CPE: variants seen among roughly 807,000 people sequenced by gnomAD.
CPE encodes the protein carboxypeptidase E.
A neutral mutation model predicts 53.5 loss-of-function variants in CPE; 17 were observed. The observed-to-expected ratio is 0.32, with a 90% confidence interval of 0.22 to 0.48. CPE has a LOEUF of 0.48. Among genes scored for constraint, CPE ranks in the 20% least tolerant of loss-of-function variants. The probability of loss-of-function intolerance (pLI) is 0.99; values close to 1 mark genes in which losing one functional copy is unlikely to be tolerated. For missense variants in CPE, 524 were observed against 614.7 expected (o/e 0.85, Z 1.56); for synonymous variants, 226 against 228.8 (o/e 0.99, Z 0.11).
intron 6 of CPE, among the ~76,000 whole-genome samples, chr4:165,490,371 C>A (rs1434223326): frequency 1.3e-5 from 2 of 152,140 alleles, no homozygotes; most frequent in East Asian, 3.9e-4. Flanking sequence ...TGGTGGCTCA[C>A]GCCTGTAATC....
intron 1 of CPE, among the ~76,000 whole-genome samples, chr4:165,452,683 C>G (rs573843943): frequency 4.6e-4 from 70 of 152,298 alleles, no homozygotes; most frequent in African/African-American, 1.7e-3. Flanking sequence ...GAGCCATCCC[C>G]TAACTCAGCC....
rs538636670 is a variant in CPE, at chr4:165,406,645, A to G, written c.307+27117A>G. ...TTCACACAATTAAAAGTAAAATTCAATGGTTTATAGTAGATCCACAGTGTT... is the reference window on the plus strand; with the variant it reads ...TTCACACAATTAAAAGTAAAATTCAGTGGTTTATAGTAGATCCACAGTGTT... On this transcript the variant is annotated intron_variant, in intron 1 of 8. Coordinates refer to ENST00000402744, the MANE Select transcript of CPE (RefSeq NM_001873.4). Among the ~76,000 whole-genome samples the G allele has an allele frequency of 3.5e-4, 54 of 152,348 alleles. No homozygotes were observed. In the South Asian group the frequency reaches 7.0e-3, roughly 20 times the overall value.
intron 1 of CPE, among the ~76,000 whole-genome samples, chr4:165,383,127 CA>C (rs1297814068): frequency 6.6e-6 from 1 of 152,198 alleles, no homozygotes; most frequent in Non-Finnish European, 1.5e-5. Context: ...GTTTCCTCTA[CA>C]CTGGGAGTTA....
At position 165,409,579 on chromosome 4, in the gene CPE, AT is replaced by A. The variant is rs112860502; in HGVS notation, c.307+30054del. Among the ~76,000 whole-genome samples, 1,012 of 152,276 alleles carry A rather than the reference AT, an allele frequency of 6.6e-3. 12 individuals are homozygous for A. The highest frequency in any genetic ancestry group is 0.023 in the African/African-American group (941 of 41,542). On this transcript the variant is annotated intron_variant, in intron 1 of 8. Coordinates refer to ENST00000402744, the MANE Select transcript of CPE (RefSeq NM_001873.4). ...TGTGAGAGACTAAAATAAATAATGG[AT>A]TTAATTTGATGACTTTTTTTTTGAC...
At chr4:165,392,266 T>C (rs1730693634) in intron 1 of CPE, among the ~76,000 whole-genome samples, 1 of 146,930 alleles carries the variant, frequency 6.8e-6, no homozygotes. Flanking sequence ...TATATATTTA[T>C]ATATTTACAT....
chr4:165,476,215 G>A (rs1030413188), intron 3 of CPE, among the ~76,000 whole-genome samples: 2 of 152,172 alleles, frequency 1.3e-5, no homozygotes, highest in African/African-American at 4.8e-5. Flanking sequence ...TTGGAAGTAG[G>A]CCAAGCGGGC....
At chr4:165,477,604 G>A (rs1409970208) in intron 3 of CPE, among the ~76,000 whole-genome samples, 2 of 151,766 alleles carry the variant, frequency 1.3e-5, no homozygotes, top group Non-Finnish European at 2.9e-5. Context: ...CCTAATATCT[G>A]TATTTGTATC....
At chr4:165,389,855 G>A (rs930341517) in intron 1 of CPE, among the ~76,000 whole-genome samples, 2 of 152,150 alleles carry the variant, frequency 1.3e-5, no homozygotes, top group Non-Finnish European at 2.9e-5. Flanking sequence ...AAAGTGAAAT[G>A]TCTTCTCATT....
Position 165,379,451 on chromosome 4 carries a change from A to G in CPE, c.230A>G (p.Tyr77Cys), listed in dbSNP as rs752840563. 14 of 1,608,966 alleles carry G rather than the reference A, an allele frequency of 8.7e-6. No homozygotes were observed. Among genetic ancestry groups the G allele is most frequent in the Non-Finnish European group, 1.2e-5 (14 of 1,177,684 alleles). Residue 77 changes from tyrosine (Y) to cysteine (C), a missense_variant, in exon 1 of 9, where the codon TAC (tyrosine) becomes TGC (cysteine). Physicochemically the swap from Tyr to Cys is radical, Grantham distance 194. Transcript: ENST00000402744. The surrounding 1 kb of genome is among the most constrained non-coding windows in gnomAD (Gnocchi z 6.0). ...WLQCTAISRI[Y>C]TVGRSFEGRE... The stretch of plus-strand genomic sequence containing the variant: ...CAGTGCACCGCCATCAGCAGGATTT[A>G]CACGGTGGGGCGCAGCTTCGAGGGC...
chr4:165,380,916 T>C (rs1177061432), intron 1 of CPE, among the ~76,000 whole-genome samples: 2 of 152,254 alleles, frequency 1.3e-5, no homozygotes, highest in Non-Finnish European at 2.9e-5. Context: ...TTCATACTGT[T>C]ATCTGAAGAC....
intron 1 of CPE, among the ~76,000 whole-genome samples, chr4:165,430,682 A>G (rs1475413775): frequency 6.6e-6 from 1 of 152,208 alleles, no homozygotes; most frequent in East Asian, 1.9e-4. Flanking sequence ...ATGCCTCATA[A>G]AAGAAATGCA....
At chr4:165,487,307 A>G (rs1040836770) in intron 5 of CPE, 131 bp from the exon 6 acceptor site, 3 of 1,244,810 alleles carry the variant, frequency 2.4e-6, no homozygotes, top group Non-Finnish European at 2.2e-6. Flanking sequence ...ATTTCCCTTA[A>G]GTTTTCCCAC....
chr4:165,390,350 C>G (rs934544920), intron 1 of CPE, among the ~76,000 whole-genome samples: 1 of 152,134 alleles, frequency 6.6e-6, no homozygotes, highest in African/African-American at 2.4e-5. Flanking sequence ...TCTGTTCTTG[C>G]ATTTAACATT....
chr4:165,400,485 C>T (rs973740872), intron 1 of CPE, among the ~76,000 whole-genome samples: 3 of 152,078 alleles, frequency 2.0e-5, no homozygotes, highest in Admixed American at 6.5e-5. Context: ...GGGCATATGA[C>T]GATGCCCAGT....
chr4:165,384,869 T>A (rs1039598770), intron 1 of CPE, among the ~76,000 whole-genome samples: 3 of 152,164 alleles, frequency 2.0e-5, no homozygotes, highest in African/African-American at 7.2e-5. Context: ...TGTAGTGGTT[T>A]ATGTAGAGTA....
At chr4:165,458,646 C>T (rs1181376688) in intron 1 of CPE, among the ~76,000 whole-genome samples, 1 of 152,190 alleles carries the variant, frequency 6.6e-6, no homozygotes, top group Non-Finnish European at 1.5e-5. Context: ...CAATTTACAA[C>T]CCACATTCAC....
At chr4:165,448,200 TA>T (rs1402108313) in intron 1 of CPE, among the ~76,000 whole-genome samples, 2 of 152,188 alleles carry the variant, frequency 1.3e-5, no homozygotes, top group African/African-American at 2.4e-5. Flanking sequence ...GAAAGGAGAT[TA>T]TGAACTTTTC....
At chr4:165,467,540 A>G (rs1024135375) in intron 2 of CPE, 148 bp from the exon 3 acceptor site, 83 of 706,882 alleles carry the variant, frequency 1.2e-4, no homozygotes, top group Non-Finnish European at 1.8e-4. Flanking sequence ...TTATATAAGT[A>G]AAGTAGTGAA....
At chr4:165,381,096 G>A (rs572099490) in intron 1 of CPE, among the ~76,000 whole-genome samples, 8 of 152,214 alleles carry the variant, frequency 5.3e-5, no homozygotes, top group Admixed American at 2.0e-4. Context: ...AGTTTTTTGC[G>A]TTGTTACTTC....
Sources: allele counts gnomAD v4.1 joint callset (sites outside exome capture counted in the v4.1 genomes callset), GRCh38; gene constraint gnomAD v4.1.1; non-coding constraint Gnocchi (gnomAD v3.1); transcripts MANE v1.5; gene names NCBI Gene and HGNC (gene_info 2026-07-23, HGNC 2026-07-21).